The following UTRN variants were observed in gnomAD, a reference collection of about 807,000 sequenced individuals.
UTRN encodes utrophin.
UTRN carries 283 observed loss-of-function variants against 463.9 expected under a neutral mutation model. That is an observed-to-expected ratio of 0.61 (90% confidence interval 0.55 to 0.67). The LOEUF (loss-of-function observed/expected upper bound fraction) is 0.67. UTRN is among the 30% of genes least tolerant of loss of function. UTRN has a pLI of 0.00. For synonymous variants in UTRN, 1,442 were observed against 1,431.5 expected (o/e 1.01, Z -0.17); for missense variants, 3,922 against 4,084.3 (o/e 0.96, Z 1.08).
At chr6:144,415,400 G>A (rs1307711308) in intron 3 of UTRN, among the ~76,000 whole-genome samples, 1 of 152,120 alleles carries the variant, frequency 6.6e-6, no homozygotes, top group Admixed American at 6.5e-5. Flanking sequence ...GAAAATCCAA[G>A]GCCCAATTCT....
chr6:144,330,020 T>G (rs1174652545), intron 2 of UTRN, among the ~76,000 whole-genome samples: 3 of 152,220 alleles, frequency 2.0e-5, no homozygotes, highest in African/African-American at 7.2e-5. Flanking sequence ...GTTGTTTAAC[T>G]GCTTAGAGGG....
chr6:144,819,830 G>T (rs1281334528), intron 65 of UTRN, among the ~76,000 whole-genome samples: 1 of 151,230 alleles, frequency 6.6e-6, no homozygotes, highest in African/African-American at 2.4e-5. Context: ...CAGTGTCTGT[G>T]ATTACAAGAA....
chr6:144,756,678 G>A (rs1304047461), intron 57 of UTRN, among the ~76,000 whole-genome samples: 2 of 152,132 alleles, frequency 1.3e-5, no homozygotes, highest in Non-Finnish European at 2.9e-5. Flanking sequence ...AATGAGAAAT[G>A]TAACATACCT....
intron 51 of UTRN, among the ~76,000 whole-genome samples, chr6:144,629,273 G>A (rs1776267275): frequency 6.6e-6 from 1 of 151,994 alleles, no homozygotes; most frequent in Non-Finnish European, 1.5e-5. Flanking sequence ...AAAATCTAGT[G>A]TACTGCGTCC....
intron 1 of UTRN, among the ~76,000 whole-genome samples, chr6:144,288,599 T>C (rs1803904442): frequency 6.6e-6 from 1 of 151,862 alleles, no homozygotes; most frequent in Admixed American, 6.5e-5. Flanking sequence ...GCAAATCCTT[T>C]ATAGTTATGT....
chr6:144,534,942 G>A (rs954021002), intron 43 of UTRN, among the ~76,000 whole-genome samples: 2 of 152,202 alleles, frequency 1.3e-5, no homozygotes, highest in Non-Finnish European at 2.9e-5. Flanking sequence ...ATCGTCGTGT[G>A]AGAGATCTGC....
chr6:144,580,421 T>G (rs147518872), intron 51 of UTRN, among the ~76,000 whole-genome samples: 186 of 152,354 alleles, frequency 1.2e-3, no homozygotes, highest in Non-Finnish European at 2.0e-3. Context: ...TAAAGCAGTT[T>G]ATTCTATGCT....
intron 52 of UTRN, among the ~76,000 whole-genome samples, chr6:144,690,996 C>T (rs1164515883): frequency 2.6e-5 from 4 of 152,142 alleles, no homozygotes; most frequent in Admixed American, 1.3e-4. Flanking sequence ...CAGTATGAAT[C>T]TTTACACACT....
intron 2 of UTRN, among the ~76,000 whole-genome samples, chr6:144,376,813 T>C (rs1331924061): frequency 1.3e-5 from 2 of 152,196 alleles, no homozygotes; most frequent in Non-Finnish European, 2.9e-5. Flanking sequence ...ATTTCACTTC[T>C]AGAGAACTGA....
In UTRN at chr6:144,563,938, A is replaced by C. The variant is rs148169085; in HGVS notation, c.7289+6627A>C. ...ATATTTTCTCAGCACATTTAGCTCCATATCAAACAAACTAAAGAGCCAATG... is the reference window on the plus strand; with the variant it reads ...ATATTTTCTCAGCACATTTAGCTCCCTATCAAACAAACTAAAGAGCCAATG... On this transcript the variant is annotated intron_variant, in intron 50 of 74. Coordinates refer to ENST00000367545, the MANE Select transcript of UTRN (RefSeq NM_007124.3). Among the ~76,000 whole-genome samples, 815 of 152,328 alleles carry C rather than the reference A, an allele frequency of 5.4e-3. 5 individuals are homozygous for C. Among genetic ancestry groups the C allele is most frequent in the Middle Eastern group, 0.014 (4 of 294 alleles).
intron 64 of UTRN, among the ~76,000 whole-genome samples, chr6:144,800,768 A>C (rs1218303503): frequency 6.8e-6 from 1 of 147,530 alleles, no homozygotes; most frequent in Non-Finnish European, 1.5e-5. Flanking sequence ...GATAGTAGCT[A>C]AACCTATGAG....
chr6:144,521,747 T>G (rs1796111280), intron 39 of UTRN, among the ~76,000 whole-genome samples: 2 of 152,110 alleles, frequency 1.3e-5, no homozygotes, highest in Non-Finnish European at 2.9e-5. Flanking sequence ...CCTGTCAAAT[T>G]AATAACATAC....
At chr6:144,824,767 T>G (rs1780014034) in intron 66 of UTRN, among the ~76,000 whole-genome samples, 2 of 121,034 alleles carry the variant, frequency 1.7e-5, no homozygotes, top group African/African-American at 6.1e-5. Context: ...TATGTGAAGT[T>G]GGTGGTGGGG....
intron 17 of UTRN, 105 bp downstream of exon 17, chr6:144,448,874 T>C (rs768587056): frequency 2.1e-4 from 260 of 1,265,390 alleles, no homozygotes; most frequent in Non-Finnish European, 2.7e-4. Flanking sequence ...AATCTAGACA[T>C]AATAAGTATT....
At chr6:144,836,563 G>A (rs201516173) in intron 71 of UTRN, 22 bp downstream of exon 71, 332 of 1,611,202 alleles carry the variant, frequency 2.1e-4, no homozygotes, top group East Asian at 6.9e-4. Flanking sequence ...AGAATTCAGC[G>A]TCACACCTCC....
At chr6:144,651,932 T>C (rs1435214445) in intron 51 of UTRN, among the ~76,000 whole-genome samples, 2 of 152,192 alleles carry the variant, frequency 1.3e-5, no homozygotes, top group Non-Finnish European at 2.9e-5. Flanking sequence ...CAGTGTACAC[T>C]GTATCCAATG....
intron 55 of UTRN, among the ~76,000 whole-genome samples, chr6:144,749,309 T>C (rs1791118606): frequency 6.6e-6 from 1 of 152,148 alleles, no homozygotes; most frequent in South Asian, 2.1e-4. Context: ...ATTAAATATG[T>C]CAAAACAACT....
intron 2 of UTRN, among the ~76,000 whole-genome samples, chr6:144,369,038 G>A (rs1317478531): frequency 6.6e-6 from 1 of 152,128 alleles, no homozygotes; most frequent in Non-Finnish European, 1.5e-5. Context: ...GGATTGAGAG[G>A]TCTTTAAAAA....
At chr6:144,532,969 T>G in intron 42 of UTRN, 116 bp from the exon 43 acceptor site, 1 of 525,036 alleles carries the variant, frequency 1.9e-6, no homozygotes, top group Non-Finnish European at 3.4e-6. Context: ...TAAAATATCT[T>G]TCCAGGAGTT....
Sources: allele counts gnomAD v4.1 joint callset (sites outside exome capture counted in the v4.1 genomes callset), GRCh38; gene constraint gnomAD v4.1.1; transcripts MANE v1.5; gene names NCBI Gene and HGNC (gene_info 2026-07-23, HGNC 2026-07-21).